Variants in PTPRD observed in about 807,000 individuals in gnomAD.
The protein encoded by PTPRD is protein tyrosine phosphatase receptor type D, also known as receptor-type tyrosine-protein phosphatase delta.
Under a neutral mutation model 214.5 loss-of-function variants are expected in PTPRD, and 34 were observed. The observed-to-expected ratio is 0.16, with a 90% CI of 0.12 to 0.21. The LOEUF (loss-of-function observed/expected upper bound fraction) is 0.21, where lower values mean the gene tolerates loss of function less well. Ranked by LOEUF, PTPRD falls within the 10% of genes least tolerant of loss-of-function variation. The pLI, the probability that PTPRD is intolerant of heterozygous loss-of-function variation, is 1.00. For missense variants in PTPRD, 2,545 were observed against 2,398.7 expected (o/e 1.06, Z -1.27); for synonymous variants, 1,128 against 845.7 (o/e 1.33, Z -5.79).
chr9:8,802,068 G>C (rs1265821060), intron 11 of PTPRD, among the ~76,000 whole-genome samples: 1 of 152,138 alleles, frequency 6.6e-6, no homozygotes, highest in Non-Finnish European at 1.5e-5. Context: ...CATAACTGGA[G>C]TCAGACTGTA....
chr9:9,083,722 C>A lies in PTPRD; in HGVS notation c.-142-64987G>T, dbSNP rs550764014. Reference sequence around the variant, plus strand: ...AATTTACAAGAAAAAAAATAAACAACCTCATTAAAAGTGGGCTAAAGATTT... The same window carrying A: ...AATTTACAAGAAAAAAAATAAACAAACTCATTAAAAGTGGGCTAAAGATTT... On this transcript the variant is annotated intron_variant, in intron 10 of 45. Transcript: ENST00000381196. Among the ~76,000 whole-genome samples the A allele has an allele frequency of 3.9e-5, 6 of 152,142 alleles. No homozygotes were observed. In the East Asian group the frequency reaches 7.7e-4, roughly 20 times the overall value.
intron 3 of PTPRD, among the ~76,000 whole-genome samples, chr9:10,216,568 TG>T (rs941039105): frequency 1.1e-4 from 17 of 152,138 alleles, no homozygotes; most frequent in African/African-American, 4.1e-4. Context: ...CTATGATTTT[TG>T]TTTGGGTCAA....
chr9:8,366,456 C>A (rs749199754), intron 39 of PTPRD, among the ~76,000 whole-genome samples: 1 of 152,046 alleles, frequency 6.6e-6, no homozygotes, highest in African/African-American at 2.4e-5. Flanking sequence ...AGCAAGACTG[C>A]TCATGTCCCT....
chr9:9,494,066 T>C (rs1331365915), intron 8 of PTPRD, among the ~76,000 whole-genome samples: 1 of 152,102 alleles, frequency 6.6e-6, no homozygotes, highest in Non-Finnish European at 1.5e-5. Context: ...GAACTTCCAA[T>C]GTGGTAGAAA....
chr9:9,411,482 A>G (rs1357748688), intron 8 of PTPRD, among the ~76,000 whole-genome samples: 1 of 152,186 alleles, frequency 6.6e-6, no homozygotes, highest in African/African-American at 2.4e-5. Context: ...AAAAGCAGCC[A>G]AATTACTCTT....
At chr9:8,703,436 C>T (rs982099230) in intron 12 of PTPRD, among the ~76,000 whole-genome samples, 2 of 152,208 alleles carry the variant, frequency 1.3e-5, no homozygotes, top group African/African-American at 2.4e-5. Context: ...ACCTCAGTCT[C>T]CCTGATGTCA....
intron 3 of PTPRD, among the ~76,000 whole-genome samples, chr9:10,277,599 T>C (rs2094788265): frequency 6.6e-6 from 1 of 151,752 alleles, no homozygotes; most frequent in Non-Finnish European, 1.5e-5. Context: ...TACTGGCTAA[T>C]GTCATGATTG....
intron 7 of PTPRD, among the ~76,000 whole-genome samples, chr9:9,721,228 C>T (rs956627430): frequency 6.6e-6 from 1 of 152,088 alleles, no homozygotes; most frequent in Non-Finnish European, 1.5e-5. Context: ...ATCTTCAAGA[C>T]ATCTCAGATT....
intron 12 of PTPRD, among the ~76,000 whole-genome samples, chr9:8,709,322 G>T (rs1025467587): frequency 6.6e-6 from 1 of 151,892 alleles, no homozygotes; most frequent in African/African-American, 2.4e-5. Flanking sequence ...AGACCATCCT[G>T]GCTAACACAG....
At chr9:9,547,943 A>G (rs965632084) in intron 8 of PTPRD, among the ~76,000 whole-genome samples, 1 of 152,028 alleles carries the variant, frequency 6.6e-6, no homozygotes, top group African/African-American at 2.4e-5. Context: ...AATGATAGGA[A>G]TTTTTTCTGA....
At chr9:9,465,933 T>G (rs1212230268) in intron 8 of PTPRD, among the ~76,000 whole-genome samples, 1 of 140,058 alleles carries the variant, frequency 7.1e-6, no homozygotes, top group African/African-American at 2.6e-5. Flanking sequence ...TCAGCCACAG[T>G]GACCACAAAT....
intron 3 of PTPRD, among the ~76,000 whole-genome samples, chr9:10,330,488 T>C (rs1029634512): frequency 2.6e-5 from 4 of 151,820 alleles, no homozygotes; most frequent in African/African-American, 4.8e-5. Context: ...CCTTTTTCCA[T>C]ATTTGGTTTC....
chr9:10,086,106 T>G (rs1184265738), intron 3 of PTPRD, among the ~76,000 whole-genome samples: 1 of 151,758 alleles, frequency 6.6e-6, no homozygotes, highest in African/African-American at 2.4e-5. Context: ...GTGTAAGAAT[T>G]GATAAAGGTT....
chr9:9,927,838 T>C (rs2084893804), intron 5 of PTPRD, among the ~76,000 whole-genome samples: 1 of 152,114 alleles, frequency 6.6e-6, no homozygotes, highest in South Asian at 2.1e-4. Context: ...TATTTTCATG[T>C]CATTTGCATT....
chr9:9,707,109 T>C (rs1448601377), intron 7 of PTPRD, among the ~76,000 whole-genome samples: 1 of 152,220 alleles, frequency 6.6e-6, no homozygotes, highest in African/African-American at 2.4e-5. Flanking sequence ...ATGGCATATG[T>C]ACGTCTGACT....
chr9:9,214,015 C>T (rs1217434596), intron 9 of PTPRD, among the ~76,000 whole-genome samples: 1 of 152,116 alleles, frequency 6.6e-6, no homozygotes, highest in Non-Finnish European at 1.5e-5. Flanking sequence ...TTTGGTGGAA[C>T]AACAGATAAA....
chr9:9,689,854 T>C (rs747543837), intron 7 of PTPRD, among the ~76,000 whole-genome samples: 4 of 151,916 alleles, frequency 2.6e-5, no homozygotes, highest in Non-Finnish European at 5.9e-5. Context: ...TCATTATGTA[T>C]GTACACATTT....
intron 4 of PTPRD, among the ~76,000 whole-genome samples, chr9:9,964,565 G>T (rs771712852): frequency 2.6e-5 from 4 of 152,198 alleles, no homozygotes; most frequent in East Asian, 1.9e-4. Flanking sequence ...TCCTCTTGAC[G>T]TGGGTTAGGA....
intron 8 of PTPRD, among the ~76,000 whole-genome samples, chr9:9,535,978 A>AG (rs2076443708): frequency 6.6e-6 from 1 of 152,008 alleles, no homozygotes; most frequent in South Asian, 2.1e-4. Context: ...CTTGTTCCTA[A>AG]CCAAGAAAGG....
Sources: gnomAD v4.1 joint callset for allele counts (sites outside exome capture counted in the v4.1 genomes callset) on GRCh38, gnomAD v4.1.1 for gene constraint, MANE v1.5 for transcripts, NCBI Gene and HGNC (gene_info 2026-07-23, HGNC 2026-07-21) for gene names.